Variants in ZDHHC21 observed in about 807,000 individuals in gnomAD.
The protein encoded by ZDHHC21 is palmitoyltransferase ZDHHC21.
ZDHHC21 carries 15 observed loss-of-function variants against 34.6 expected under a neutral mutation model. The observed-to-expected ratio is 0.43, with a 90% CI of 0.29 to 0.67. The LOEUF is 0.67. Ranked by LOEUF, ZDHHC21 falls within the 30% of genes least tolerant of loss-of-function variation. ZDHHC21 has a pLI of 0.14. For missense variants in ZDHHC21, 344 were observed against 327.7 expected (o/e 1.05, Z -0.38); for synonymous variants, 142 against 101.8 (o/e 1.40, Z -2.38).
At chr9:14,674,109 T>C in intron 4 of ZDHHC21, 78 bp downstream of exon 4, 1 of 899,388 alleles carries the variant, frequency 1.1e-6, no homozygotes, top group Non-Finnish European at 1.6e-6. Context: ...AGGAAAGTTA[T>C]CATAGTGGCA....
At chr9:14,589,653 C>G in the ZDHHC21 span, 2 of 152,150 alleles carry the variant, frequency 1.3e-5, no homozygotes, top group Non-Finnish European at 2.9e-5. Context: ...AAATTGGGAG[C>G]TGAACAATTT....
intron 1 of ZDHHC21, among the ~76,000 whole-genome samples, 159 bp downstream of exon 1, chr9:14,693,070 G>A (rs576676815): frequency 6.6e-6 from 1 of 151,314 alleles, no homozygotes; most frequent in South Asian, 2.1e-4. Context: ...TCCAAACAGA[G>A]CAGGTGCAGG....
At chr9:14,621,136 C>T (rs1026855573) in intron 8 of ZDHHC21, among the ~76,000 whole-genome samples, 1 of 151,818 alleles carries the variant, frequency 6.6e-6, no homozygotes, top group Non-Finnish European at 1.5e-5. Flanking sequence ...ATTAAAACAA[C>T]TTACACAAAA....
intron 3 of ZDHHC21, among the ~76,000 whole-genome samples, chr9:14,678,089 T>A (rs1011359614): frequency 4.6e-5 from 7 of 152,112 alleles, no homozygotes; most frequent in African/African-American, 1.7e-4. Flanking sequence ...CCATTCTGCT[T>A]ACTCATCTAA....
At chr9:14,593,835 G>A in the ZDHHC21 span, 1 of 152,568 alleles carries the variant, frequency 6.6e-6, no homozygotes, top group Admixed American at 6.5e-5. Context: ...GCCCCAGGGT[G>A]AAGGGCAAGT....
intron 6 of ZDHHC21, among the ~76,000 whole-genome samples, chr9:14,660,669 C>T (rs1379026224): frequency 6.6e-6 from 1 of 152,166 alleles, no homozygotes; most frequent in Non-Finnish European, 1.5e-5. Context: ...CTCACTGCTA[C>T]CAACTTCTGA....
chr9:14,613,598 C>T lies in ZDHHC21; in HGVS notation c.*5368G>A, dbSNP rs895566635. 4 of 151,630 alleles carry T rather than the reference C, an allele frequency of 2.6e-5. No homozygotes were observed. The highest frequency in any genetic ancestry group is 9.7e-5 in the African/African-American group (4 of 41,360). 9.4% of individuals were successfully genotyped at this position (151,630 alleles called of 1,614,324 possible). A position where few individuals can be genotyped will look rare whatever the true frequency, so the allele number is the denominator to read the frequency against. ...CATCTTTGTTTATATATAAAGCTAT[C>T]GATACCAAAAAAATCAGTGTTGAAC... On this transcript the variant is annotated 3_prime_UTR_variant, in exon 10 of 10. Transcript: ENST00000380916.
intron 8 of ZDHHC21, among the ~76,000 whole-genome samples, chr9:14,627,518 T>C (rs1166974244): frequency 1.3e-5 from 2 of 152,086 alleles, no homozygotes; most frequent in Non-Finnish European, 2.9e-5. Context: ...TTTTACAAAA[T>C]TGCAACTAAA....
intron 2 of ZDHHC21, among the ~76,000 whole-genome samples, chr9:14,688,824 T>C (rs1250762030): frequency 1.3e-5 from 2 of 151,940 alleles, no homozygotes; most frequent in African/African-American, 4.8e-5. Context: ...ATCACCCCAC[T>C]GCACTCCAGC....
chr9:14,623,291 T>C (rs976708324), intron 8 of ZDHHC21, among the ~76,000 whole-genome samples: 1 of 152,210 alleles, frequency 6.6e-6, no homozygotes, highest in Non-Finnish European at 1.5e-5. Flanking sequence ...GGCAGGTGGA[T>C]TGCTTGAGGC....
At chr9:14,603,430 CTTCAAGGACACAAA>C in the ZDHHC21 span, among the ~76,000 whole-genome samples, 1 of 152,048 alleles carries the variant, frequency 6.6e-6, no homozygotes, top group Non-Finnish European at 1.5e-5. Flanking sequence ...GCATGCTATA[CTTCAAGGACACAAA>C]TGACACTGCA....
At chr9:14,647,654 CATG>C (rs1441842687) in intron 7 of ZDHHC21, among the ~76,000 whole-genome samples, 1 of 141,744 alleles carries the variant, frequency 7.1e-6, no homozygotes, top group Admixed American at 7.2e-5. Context: ...CACAGTCCAT[CATG>C]ATAATTTCTC....
intron 8 of ZDHHC21, among the ~76,000 whole-genome samples, chr9:14,638,790 A>T (rs1828760040): frequency 6.6e-6 from 1 of 152,096 alleles, no homozygotes; most frequent in Non-Finnish European, 1.5e-5. Context: ...CAACAGGGAA[A>T]TGCAAGTCAA....
chr9:14,594,604 A>C, the ZDHHC21 span, among the ~76,000 whole-genome samples: 279 of 152,318 alleles, frequency 1.8e-3, 4 homozygotes, highest in African/African-American at 6.3e-3. Context: ...TAGAACTATG[A>C]AACTTCTAGA....
intron 8 of ZDHHC21, 53 bp downstream of exon 8, chr9:14,639,843 C>T: frequency 9.5e-7 from 1 of 1,055,566 alleles, no homozygotes; most frequent in Non-Finnish European, 1.3e-6. Flanking sequence ...GAATTACATT[C>T]ATAATTAGGT....
chr9:14,683,211 G>C (rs200266916), intron 2 of ZDHHC21, among the ~76,000 whole-genome samples: 1 of 151,598 alleles, frequency 6.6e-6, no homozygotes, highest in Non-Finnish European at 1.5e-5. Flanking sequence ...GAGATAGAGA[G>C]ACAAAAAACC....
chr9:14,641,055 A>T (rs1829288208), intron 7 of ZDHHC21, among the ~76,000 whole-genome samples: 2 of 152,174 alleles, frequency 1.3e-5, no homozygotes, highest in African/African-American at 4.8e-5. Flanking sequence ...AACCACCCAC[A>T]TGCTTTCTTT....
intron 2 of ZDHHC21, among the ~76,000 whole-genome samples, chr9:14,681,294 G>C (rs1837324849): frequency 6.6e-6 from 1 of 152,048 alleles, no homozygotes; most frequent in Non-Finnish European, 1.5e-5. Context: ...GCTATTCCCA[G>C]GTGCGATCCT....
rs1823714176 is a variant in ZDHHC21 at position 14,613,721 on chromosome 9, A to C, written c.*5245T>G. The C allele has an allele frequency of 6.6e-6, 1 of 151,804 alleles. No individual in the cohort carries two copies. The highest frequency in any genetic ancestry group is 2.4e-5 in the African/African-American group (1 of 41,418). 9.4% of individuals were successfully genotyped at this position (151,804 alleles called of 1,614,324 possible). ...GAACTCCAAAATATCCCAAATGTTAAAGTGAAAGCCACCCTTATATATTGT... is the reference window on the plus strand; with the variant it reads ...GAACTCCAAAATATCCCAAATGTTACAGTGAAAGCCACCCTTATATATTGT... On this transcript the variant is annotated 3_prime_UTR_variant, in exon 10 of 10. Transcript: ENST00000380916.
Sources: allele counts gnomAD v4.1 joint callset (sites outside exome capture counted in the v4.1 genomes callset), GRCh38; gene constraint gnomAD v4.1.1; transcripts MANE v1.5; gene names NCBI Gene and HGNC (gene_info 2026-07-23, HGNC 2026-07-21).